Variants in DAPK1 observed in about 807,000 individuals in gnomAD.
The protein encoded by DAPK1 is death associated protein kinase 1.
In DAPK1, 56 loss-of-function variants were observed where a neutral mutation model predicts 144.9. The ratio of observed to expected loss-of-function variants is 0.39; its 90% CI spans 0.31 to 0.48. The LOEUF (loss-of-function observed/expected upper bound fraction) is 0.48, where lower values mean the gene tolerates loss of function less well. Among genes scored for constraint, DAPK1 ranks in the 20% least tolerant of loss-of-function variants. The pLI is 0.95. For synonymous variants in DAPK1, 690 were observed against 749.0 expected (o/e 0.92, Z 1.29); for missense variants, 1,454 against 1,875.4 (o/e 0.78, Z 4.15).
chr9:87,635,889 G>A (rs1312741717), intron 3 of DAPK1, among the ~76,000 whole-genome samples: 2 of 152,154 alleles, frequency 1.3e-5, no homozygotes, highest in African/African-American at 4.8e-5. Context: ...CCAGTGGTGC[G>A]GGGCGCCCCA....
chr9:87,697,589 CACCTTT>C (rs1383179703), intron 22 of DAPK1, among the ~76,000 whole-genome samples: 1 of 152,214 alleles, frequency 6.6e-6, no homozygotes, highest in Non-Finnish European at 1.5e-5. Context: ...ATAGCTACTG[CACCTTT>C]ACCTAAAGGG....
intron 21 of DAPK1, among the ~76,000 whole-genome samples, chr9:87,691,119 C>A (rs916270440): frequency 1.1e-4 from 17 of 151,932 alleles, no homozygotes; most frequent in Admixed American, 3.9e-4. Context: ...CTTCTGACAT[C>A]CAAACCTGGA....
At position 87,571,473 on chromosome 9, in the gene DAPK1, A is replaced by ACCC. The variant is rs780465083; in HGVS notation, c.63-33479_63-33478insCCC. ...CACACACACACACACACACACACAC[A>ACCC]CCAACACACACACACACACACCCCA... On this transcript the variant is annotated intron_variant, in intron 2 of 25. Coordinates refer to ENST00000408954, the MANE Select transcript of DAPK1 (RefSeq NM_004938.4). Among the ~76,000 whole-genome samples the ACCC allele has an allele frequency of 7.3e-3, 418 of 57,596 alleles. 8 individuals are homozygous for ACCC. Among genetic ancestry groups the ACCC allele is most frequent in the Non-Finnish European group, 9.3e-3 (295 of 31,774 alleles). The allele number at this position is 57,596 out of a possible 152,430, so 37.8% of individuals were successfully genotyped here.
At chr9:87,560,079 C>G (rs966517062) in intron 2 of DAPK1, among the ~76,000 whole-genome samples, 43 of 151,896 alleles carry the variant, frequency 2.8e-4, no homozygotes, top group African/African-American at 8.9e-4. Flanking sequence ...CAACCTCCTC[C>G]TCCCGGGTTC....
intron 2 of DAPK1, among the ~76,000 whole-genome samples, chr9:87,538,631 G>T (rs2118442197): frequency 6.6e-6 from 1 of 152,268 alleles, no homozygotes; most frequent in South Asian, 2.1e-4. Context: ...GTGAGACCCA[G>T]TATTGATGGG....
At chr9:87,638,704 G>A (rs1396122421) in intron 4 of DAPK1, among the ~76,000 whole-genome samples, 1 of 152,218 alleles carries the variant, frequency 6.6e-6, no homozygotes, top group Non-Finnish European at 1.5e-5. Context: ...CTCCATCCGA[G>A]TAGTTGATTC....
In DAPK1 at chr9:87,604,652, T is replaced by G. The variant is rs111399959; in HGVS notation, c.63-302T>G. Among the ~76,000 whole-genome samples the G allele has an allele frequency of 7.7e-3, 1,174 of 152,156 alleles. 11 individuals carry two copies. Among genetic ancestry groups the G allele is most frequent in the African/African-American group, 0.027 (1,109 of 41,518 alleles). ...TGGAAGTGAGGTCAGATCACAGAGC[T>G]CCTTGCTGCTGTCCCAGGACCTGAA... is the stretch of plus-strand genomic sequence containing the variant. On this transcript the variant is annotated intron_variant, in intron 2 of 25. Transcript: ENST00000408954.
intron 2 of DAPK1, among the ~76,000 whole-genome samples, chr9:87,578,510 A>G (rs1827639652): frequency 1.3e-5 from 2 of 152,192 alleles, no homozygotes; most frequent in Admixed American, 6.5e-5. Flanking sequence ...AAGTAGATGC[A>G]CTGAGCCAAA....
intron 2 of DAPK1, among the ~76,000 whole-genome samples, chr9:87,554,988 G>T (rs1359746881): frequency 6.6e-6 from 1 of 152,214 alleles, no homozygotes; most frequent in Non-Finnish European, 1.5e-5. Flanking sequence ...GGTTCTTAGT[G>T]CCAAGGAACT....
intron 2 of DAPK1, among the ~76,000 whole-genome samples, chr9:87,542,246 C>T (rs1826082488): frequency 6.6e-6 from 1 of 152,216 alleles, no homozygotes; most frequent in Non-Finnish European, 1.5e-5. Flanking sequence ...TAATAGGTAA[C>T]ATTTCCTGAG....
chr9:87,682,517 C>T (rs1408274750), intron 20 of DAPK1, among the ~76,000 whole-genome samples: 1 of 152,178 alleles, frequency 6.6e-6, no homozygotes, highest in Non-Finnish European at 1.5e-5. Context: ...GTTTCTCTTA[C>T]GTCCCCTCAG....
At chr9:87,650,495 A>G (rs1564047473) in intron 16 of DAPK1, 2 of 250,174 alleles carry the variant, frequency 8.0e-6, no homozygotes, top group Admixed American at 5.2e-5. Context: ...ACTTATTTCT[A>G]TCATCCGCTG....
rs1258779405 is a variant in DAPK1, at chr9:87,650,088, A to G, written c.1596A>G (p.Glu532=). ...ACGACATCGTGGAGTGTCTGGCCGA[A>G]CATGGAGCCGACCTTAATGCTTGCG... ...GYHDIVECLA[E]HGADLNACDK... Residue 532 remains glutamate (E), a synonymous_variant, in exon 16 of 26, where the codon GAA becomes GAG. Coordinates refer to ENST00000408954, the MANE Select transcript of DAPK1 (RefSeq NM_004938.4). 6.2e-7 allele frequency: 1 copy of G among 1,614,136 alleles called. No individual in the cohort carries two copies. Among genetic ancestry groups the G allele is most frequent in the Non-Finnish European group, 8.5e-7 (1 of 1,180,036 alleles).
intron 2 of DAPK1, among the ~76,000 whole-genome samples, chr9:87,555,114 C>T (rs1826655274): frequency 1.3e-5 from 2 of 152,226 alleles, no homozygotes; most frequent in East Asian, 3.9e-4. Flanking sequence ...AGGGCAGCCT[C>T]AGTATTATGA....
intron 2 of DAPK1, among the ~76,000 whole-genome samples, chr9:87,537,612 T>G (rs541399441): frequency 3.6e-5 from 1 of 27,520 alleles, no homozygotes; most frequent in South Asian, 1.2e-3. Flanking sequence ...GCATACATGG[T>G]AAGTAGATAT....
At chr9:87,568,249 C>T (rs960511000) in intron 2 of DAPK1, among the ~76,000 whole-genome samples, 8 of 152,366 alleles carry the variant, frequency 5.3e-5, no homozygotes, top group Middle Eastern at 3.4e-3. Flanking sequence ...CGTGGGCCAA[C>T]GCTGCCAGCT....
chr9:87,635,225 G>A (rs1829849215), intron 3 of DAPK1, among the ~76,000 whole-genome samples: 1 of 152,084 alleles, frequency 6.6e-6, no homozygotes, highest in Non-Finnish European at 1.5e-5. Flanking sequence ...GGGCAGCATG[G>A]GGTTGCCAGA....
In DAPK1 at chr9:87,571,475, CAA is replaced by C. The variant is rs1564000874; in HGVS notation, c.63-33478_63-33477del. On this transcript the variant is annotated intron_variant, in intron 2 of 25. Coordinates refer to ENST00000408954, the MANE Select transcript of DAPK1 (RefSeq NM_004938.4). ...CACACACACACACACACACACACAC[CAA>C]CACACACACACACACACCCCAACAC... 1.3e-3 allele frequency among the ~76,000 whole-genome samples: 42 copies of C among 33,398 alleles called. 1 individual carries two copies. Among genetic ancestry groups the C allele is most frequent in the South Asian group, 3.4e-3 (3 of 882 alleles). 21.9% of individuals were successfully genotyped at this position (33,398 alleles called of 152,430 possible). A position where few individuals can be genotyped will look rare whatever the true frequency, so the allele number is the denominator to read the frequency against.
intron 2 of DAPK1, among the ~76,000 whole-genome samples, chr9:87,586,788 G>A (rs372818764): frequency 1.3e-5 from 2 of 152,150 alleles, no homozygotes; most frequent in Admixed American, 6.5e-5. Context: ...AAGTTAATTC[G>A]AGTGTCCTAA....
Sources: allele counts gnomAD v4.1 joint callset (sites outside exome capture counted in the v4.1 genomes callset), GRCh38; gene constraint gnomAD v4.1.1; transcripts MANE v1.5; gene names NCBI Gene and HGNC (gene_info 2026-07-23, HGNC 2026-07-21).